Variants in MYT1L observed in about 807,000 individuals in gnomAD.
MYT1L encodes the protein myelin transcription factor 1 like.
A neutral mutation model predicts 126.7 loss-of-function variants in MYT1L; 12 were observed. That is an observed-to-expected ratio of 0.09 (90% CI 0.06 to 0.15). The LOEUF (loss-of-function observed/expected upper bound fraction) is 0.15, where lower values mean the gene tolerates loss of function less well. MYT1L is among the 10% of genes least tolerant of loss of function. The pLI, the probability that MYT1L is intolerant of heterozygous loss-of-function variation, is 1.00. For synonymous variants in MYT1L, 541 were observed against 604.2 expected, an observed-to-expected ratio of 0.90 and a Z score of 1.53; for missense variants, 979 against 1,585.2, an observed-to-expected ratio of 0.62 and a Z score of 6.49.
At chr2:2,036,698 C>T (rs2066892064) in intron 4 of MYT1L, among the ~76,000 whole-genome samples, 1 of 152,214 alleles carries the variant, frequency 6.6e-6, no homozygotes, top group African/African-American at 2.4e-5. Context: ...ATAGTCTGAG[C>T]TACATCATCG....
chr2:2,162,544 C>T (rs2088188097), intron 3 of MYT1L, among the ~76,000 whole-genome samples: 1 of 152,178 alleles, frequency 6.6e-6, no homozygotes, highest in South Asian at 2.1e-4. Flanking sequence ...CTGCACCTCC[C>T]AGTTTCCAGG....
intron 2 of MYT1L, among the ~76,000 whole-genome samples, chr2:2,197,574 C>A (rs2092860794): frequency 1.3e-5 from 2 of 151,026 alleles, no homozygotes; most frequent in Non-Finnish European, 2.9e-5. Context: ...CACACACATG[C>A]ACACAACGAA....
intron 23 of MYT1L, among the ~76,000 whole-genome samples, chr2:1,796,093 T>G (rs2033431958): frequency 6.6e-6 from 1 of 152,196 alleles, no homozygotes; most frequent in Non-Finnish European, 1.5e-5. Context: ...GCTATTAAAT[T>G]CCGACTGCAG....
intron 5 of MYT1L, among the ~76,000 whole-genome samples, chr2:1,989,754 T>TG (rs1473947836): frequency 1.3e-5 from 2 of 152,134 alleles, no homozygotes; most frequent in East Asian, 3.9e-4. Flanking sequence ...CCCAGCACTT[T>TG]GGGAGGCCAA....
chr2:2,230,477 C>CA (rs1372474427), intron 2 of MYT1L, among the ~76,000 whole-genome samples: 3 of 152,204 alleles, frequency 2.0e-5, no homozygotes, highest in Admixed American at 2.0e-4. Context: ...GTACTTAGAA[C>CA]ACAGAATTCT....
At chr2:2,067,709 T>C (rs1473206368) in intron 3 of MYT1L, among the ~76,000 whole-genome samples, 1 of 152,158 alleles carries the variant, frequency 6.6e-6, no homozygotes, top group Non-Finnish European at 1.5e-5. Context: ...TTTGAAAATA[T>C]TAATATTAAA....
chr2:2,234,325 G>C (rs774003205), intron 2 of MYT1L, among the ~76,000 whole-genome samples: 9 of 152,170 alleles, frequency 5.9e-5, no homozygotes, highest in Non-Finnish European at 1.2e-4. Flanking sequence ...GAAAGGCCCT[G>C]ATTATAGTCT....
chr2:2,325,530 G>A (rs1318275068), intron 1 of MYT1L: 1 of 152,148 alleles, frequency 6.6e-6, no homozygotes, highest in Non-Finnish European at 1.5e-5. Flanking sequence ...ATGTTCATTA[G>A]CATTTTTTTC....
chr2:1,891,431 T>C (rs2048864237), intron 15 of MYT1L, among the ~76,000 whole-genome samples: 1 of 152,232 alleles, frequency 6.6e-6, no homozygotes, highest in Non-Finnish European at 1.5e-5. Context: ...CTCTCTCTCC[T>C]GCCCAGCATA....
chr2:2,237,225 C>T (rs1486308694), intron 2 of MYT1L, among the ~76,000 whole-genome samples: 1 of 152,156 alleles, frequency 6.6e-6, no homozygotes, highest in East Asian at 1.9e-4. Flanking sequence ...CCCTTCCTAG[C>T]TCCCTTCCCT....
In MYT1L at chr2:1,801,871, TC is replaced by T; in HGVS notation, c.3173-73del. ...ATTAGAGTTAGAATTTTGGGAGCTT[TC>T]TTTGTTCCTTTTATATTCGTAATTG... On this transcript the variant is annotated intron_variant, in intron 22 of 24. Transcript: ENST00000647738. The surrounding 1 kb of genome is among the most constrained non-coding windows in gnomAD (Gnocchi z 4.2). The T allele has an allele frequency of 1.1e-6, 1 of 919,430 alleles. No homozygotes were observed. The highest frequency in any genetic ancestry group is 1.6e-6 in the Non-Finnish European group (1 of 613,332). 57.0% of individuals were successfully genotyped at this position (919,430 alleles called of 1,614,324 possible).
At chr2:2,302,083 T>G (rs2095795047) in intron 1 of MYT1L, among the ~76,000 whole-genome samples, 1 of 152,198 alleles carries the variant, frequency 6.6e-6, no homozygotes, top group Non-Finnish European at 1.5e-5. Flanking sequence ...AATATTGCCA[T>G]GATCAATTAC....
chr2:2,041,450 G>GCA (rs1187643942), intron 4 of MYT1L, among the ~76,000 whole-genome samples: 1 of 152,198 alleles, frequency 6.6e-6, no homozygotes, highest in East Asian at 1.9e-4. Flanking sequence ...TCAGTGCTTT[G>GCA]CAAGCTGAAT....
chr2:2,084,498 C>G (rs947789331), intron 3 of MYT1L, among the ~76,000 whole-genome samples: 1 of 152,176 alleles, frequency 6.6e-6, no homozygotes, highest in African/African-American at 2.4e-5. Flanking sequence ...TTGACTGGCC[C>G]TGGGCTAGGA....
chr2:2,169,990 T>C (rs908302674), intron 3 of MYT1L, among the ~76,000 whole-genome samples: 3 of 152,212 alleles, frequency 2.0e-5, no homozygotes, highest in Non-Finnish European at 2.9e-5. Flanking sequence ...TTGAAATCTT[T>C]TGAGTCTCTT....
Position 1,923,025 on chromosome 2 carries a change from C to T in MYT1L, c.744G>A (p.Glu248=), listed in dbSNP as rs749479303. ...DKNENLGRKS[E]LSLDLDSDVV... ...CATCACTGTCTAAGTCTAAACTCAA[C>T]TCACTTTTCCGACCCAGGTTTTCGT... Residue 248 remains glutamate, a synonymous_variant, in exon 10 of 25, where the codon GAG becomes GAA. Coordinates refer to ENST00000647738, the MANE Select transcript of MYT1L (RefSeq NM_001303052.2). The T allele has an allele frequency of 6.2e-7, 1 of 1,614,044 alleles. No individual in the cohort carries two copies. Among genetic ancestry groups the T allele is most frequent in the South Asian group, 1.1e-5 (1 of 91,086 alleles).
At chr2:2,273,441 G>C (rs1234804626) in intron 2 of MYT1L, among the ~76,000 whole-genome samples, 1 of 152,140 alleles carries the variant, frequency 6.6e-6, no homozygotes, top group Non-Finnish European at 1.5e-5. Flanking sequence ...GCTATGGTTT[G>C]GTAGCTTTTT....
chr2:1,989,342 T>C (rs544083594), intron 5 of MYT1L, among the ~76,000 whole-genome samples: 15 of 152,216 alleles, frequency 9.9e-5, no homozygotes, highest in African/African-American at 3.4e-4. Flanking sequence ...AACTGGGTCA[T>C]TGCTAGAAGA....
intron 4 of MYT1L, among the ~76,000 whole-genome samples, chr2:2,012,502 G>A (rs1574503379): frequency 6.6e-6 from 1 of 152,186 alleles, no homozygotes; most frequent in Non-Finnish European, 1.5e-5. Context: ...CTGAGGTGAT[G>A]AAAATGTTCT....
Sources: gnomAD v4.1 joint callset for allele counts (sites outside exome capture counted in the v4.1 genomes callset) on GRCh38, gnomAD v4.1.1 for gene constraint, Gnocchi (gnomAD v3.1) non-coding constraint, MANE v1.5 for transcripts, NCBI Gene and HGNC (gene_info 2026-07-23, HGNC 2026-07-21) for gene names.